The following NELL2 variants were observed in gnomAD, a reference collection of about 807,000 sequenced individuals.
The protein encoded by NELL2 is protein kinase C-binding protein NELL2.
In NELL2, 41 loss-of-function variants were observed where a neutral mutation model predicts 109.6. The observed-to-expected ratio is 0.37, with a 90% CI of 0.29 to 0.49. NELL2 has a LOEUF of 0.49. Ranked by LOEUF, NELL2 falls within the 20% of genes least tolerant of loss-of-function variation. NELL2 has a pLI of 0.98. For missense variants in NELL2, 900 were observed against 1,008.3 expected, an observed-to-expected ratio of 0.89 and a Z score of 1.45; for synonymous variants, 355 against 344.7, an observed-to-expected ratio of 1.03 and a Z score of -0.33.
intron 12 of NELL2, among the ~76,000 whole-genome samples, chr12:44,694,695 G>C (rs1949005570): frequency 6.6e-6 from 1 of 151,478 alleles, no homozygotes; most frequent in Admixed American, 6.6e-5. Context: ...GTGTCTGCTC[G>C]AGTTCCCTAA....
intron 13 of NELL2, among the ~76,000 whole-genome samples, chr12:44,616,938 G>T (rs1945843100): frequency 6.6e-6 from 1 of 152,130 alleles, no homozygotes; most frequent in South Asian, 2.1e-4. Flanking sequence ...CTTGTCCACA[G>T]CACCTCAGTA....
intron 16 of NELL2, chr12:44,523,747 G>C: frequency 2.3e-6 from 1 of 434,676 alleles, no homozygotes; most frequent in Non-Finnish European, 4.1e-6. Context: ...AATAACATTA[G>C]GCTTTATGAA....
chr12:44,728,359 G>A (rs1272408185), intron 9 of NELL2, among the ~76,000 whole-genome samples: 1 of 152,074 alleles, frequency 6.6e-6, no homozygotes, highest in Non-Finnish European at 1.5e-5. Flanking sequence ...AAATCCACTA[G>A]AGGAGTTCAA....
In NELL2 at chr12:44,537,048, G is replaced by GA. The variant is rs561639058; in HGVS notation, c.1664-4328dup. Among the ~76,000 whole-genome samples, 290 of 123,426 alleles carry GA rather than the reference G, an allele frequency of 2.3e-3. 2 individuals carry two copies. Among genetic ancestry groups the GA allele is most frequent in the East Asian group, 0.015 (58 of 3,970 alleles). 81.0% of individuals were successfully genotyped at this position (123,426 alleles called of 152,430 possible). On this transcript the variant is annotated intron_variant, in intron 15 of 19. Transcript: ENST00000429094. Reference sequence around the variant, plus strand: ...AAAAAAAAAGGAAAATGTATGAATAGAAAAAAAAAAACAAGCTCATATACA... The same window carrying GA: ...AAAAAAAAAGGAAAATGTATGAATAGAAAAAAAAAAAACAAGCTCATATACA...
At chr12:44,657,456 G>A (rs565680813) in intron 13 of NELL2, among the ~76,000 whole-genome samples, 1 of 152,142 alleles carries the variant, frequency 6.6e-6, no homozygotes, top group Admixed American at 6.5e-5. Context: ...ATTGTCTTAT[G>A]AGACCACATT....
At chr12:44,671,605 T>C (rs1316472167) in intron 12 of NELL2, among the ~76,000 whole-genome samples, 1 of 151,670 alleles carries the variant, frequency 6.6e-6, no homozygotes, top group Non-Finnish European at 1.5e-5. Flanking sequence ...ACCACAGAAA[T>C]AGAAAGGATC....
intron 15 of NELL2, among the ~76,000 whole-genome samples, chr12:44,539,343 G>A (rs540839563): frequency 1.3e-5 from 2 of 151,878 alleles, no homozygotes; most frequent in Non-Finnish European, 2.9e-5. Context: ...CAACAAAACA[G>A]AACAAAACAA....
intron 3 of NELL2, among the ~76,000 whole-genome samples, chr12:44,809,492 G>T (rs12827216): frequency 1.5e-4 from 23 of 151,752 alleles, no homozygotes; most frequent in African/African-American, 5.3e-4. Flanking sequence ...GTTTTTTTTA[G>T]GTTATGCTGC....
At chr12:44,839,194 A>G (rs991727314) in intron 2 of NELL2, among the ~76,000 whole-genome samples, 1 of 152,216 alleles carries the variant, frequency 6.6e-6, no homozygotes, top group African/African-American at 2.4e-5. Context: ...TGTACTAATT[A>G]TGCTTCTACA....
intron 11 of NELL2, among the ~76,000 whole-genome samples, chr12:44,710,705 A>G (rs1046517309): frequency 4.6e-5 from 7 of 152,132 alleles, no homozygotes; most frequent in African/African-American, 9.7e-5. Context: ...TCTTCAACTA[A>G]TAATTGAAGT....
At chr12:44,604,397 A>T (rs1187290271) in intron 15 of NELL2, among the ~76,000 whole-genome samples, 5 of 152,182 alleles carry the variant, frequency 3.3e-5, no homozygotes, top group Non-Finnish European at 7.4e-5. Flanking sequence ...TTTCTGTGCC[A>T]TATCTGCCAT....
chr12:44,536,056 C>T (rs1488094066), intron 15 of NELL2, among the ~76,000 whole-genome samples: 1 of 151,782 alleles, frequency 6.6e-6, no homozygotes, highest in Non-Finnish European at 1.5e-5. Context: ...TTTGTTTATG[C>T]AAATTTTTCT....
intron 15 of NELL2, among the ~76,000 whole-genome samples, chr12:44,575,227 G>A (rs530983693): frequency 9.9e-5 from 15 of 152,174 alleles, no homozygotes; most frequent in Non-Finnish European, 1.8e-4. Flanking sequence ...TGAGCACAAT[G>A]GAACACCATT....
intron 12 of NELL2, among the ~76,000 whole-genome samples, chr12:44,701,714 C>A (rs1336947800): frequency 6.6e-6 from 1 of 152,096 alleles, no homozygotes; most frequent in Non-Finnish European, 1.5e-5. Flanking sequence ...CTATAACTTT[C>A]CTTATCCAGG....
chr12:44,762,724 A>G (rs1175402403), intron 9 of NELL2, among the ~76,000 whole-genome samples: 4 of 152,112 alleles, frequency 2.6e-5, no homozygotes, highest in Non-Finnish European at 5.9e-5. Flanking sequence ...TTCACTAGTT[A>G]AATGCTATTT....
rs575400749 is a variant in NELL2, at chr12:44,683,780, A to T, written c.1319-18171T>A. Among the ~76,000 whole-genome samples the T allele has an allele frequency of 1.3e-4, 20 of 152,300 alleles. No homozygotes were observed. The East Asian group carries it at 3.9e-3, about 29-fold the overall frequency. On this transcript the variant is annotated intron_variant, in intron 12 of 19. Transcript: ENST00000429094. ...TCCCAGGGATGAAGCCCACTTGATCATGGTGGATAAGCTTTTTGATGTGCT... is the reference window on the plus strand; with the variant it reads ...TCCCAGGGATGAAGCCCACTTGATCTTGGTGGATAAGCTTTTTGATGTGCT...
rs1039029828 is a variant in NELL2, at chr12:44,660,833, T to C, written c.1444+4651A>G. On this transcript the variant is annotated intron_variant, in intron 13 of 19. Transcript: ENST00000429094. Reference sequence around the variant, plus strand: ...CACTCAGATCTTTACTCAAAATTCTTGATTCTGTTATAGGTAGTTAGACAG... The same window carrying C: ...CACTCAGATCTTTACTCAAAATTCTCGATTCTGTTATAGGTAGTTAGACAG... Among the ~76,000 whole-genome samples the C allele has an allele frequency of 2.2e-4, 33 of 152,262 alleles. No individual in the cohort carries two copies. The South Asian group carries it at 3.3e-3, about 15-fold the overall frequency.
intron 9 of NELL2, among the ~76,000 whole-genome samples, chr12:44,768,377 T>C (rs956137682): frequency 1.3e-5 from 2 of 152,156 alleles, no homozygotes; most frequent in East Asian, 1.9e-4. Flanking sequence ...CAGGATTATC[T>C]TGATGAAATC....
At chr12:44,752,518 C>A (rs1940698182) in intron 9 of NELL2, among the ~76,000 whole-genome samples, 1 of 152,180 alleles carries the variant, frequency 6.6e-6, no homozygotes, top group African/African-American at 2.4e-5. Flanking sequence ...CAATCCAGAT[C>A]TGACTGCAGT....
Sources: gnomAD v4.1 joint callset for allele counts (sites outside exome capture counted in the v4.1 genomes callset) on GRCh38, gnomAD v4.1.1 for gene constraint, MANE v1.5 for transcripts, NCBI Gene and HGNC (gene_info 2026-07-23, HGNC 2026-07-21) for gene names.